The following GALNT13 variants were observed in gnomAD, a reference collection of about 807,000 sequenced individuals.
The protein encoded by GALNT13 is polypeptide N-acetylgalactosaminyltransferase 13, also known as UDP-GalNAc:polypeptide N-acetylgalactosaminyltransferase 13.
Under a neutral mutation model 64.2 loss-of-function variants are expected in GALNT13, and 28 were observed. The ratio of observed to expected loss-of-function variants is 0.44; its 90% confidence interval spans 0.32 to 0.60. The LOEUF (loss-of-function observed/expected upper bound fraction) is 0.60. GALNT13 is among the 20% of genes least tolerant of loss of function. GALNT13 has a pLI of 0.05. For synonymous variants in GALNT13, 214 were observed against 224.6 expected (o/e 0.95, Z 0.42); for missense variants, 577 against 669.8 (o/e 0.86, Z 1.53).
At chr2:153,647,731 C>T in the GALNT13 span, among the ~76,000 whole-genome samples, 2 of 152,090 alleles carry the variant, frequency 1.3e-5, no homozygotes, top group Non-Finnish European at 2.9e-5. Flanking sequence ...GAATCCTTTC[C>T]CCATTTCTTG....
the GALNT13 span, among the ~76,000 whole-genome samples, chr2:153,171,440 A>T: frequency 6.6e-5 from 10 of 151,984 alleles, no homozygotes; most frequent in African/African-American, 2.4e-4. Flanking sequence ...TGCAAAAACA[A>T]CTCCACCAAT....
At chr2:153,630,793 ATATATATATATATATTTTTTTTT>A in the GALNT13 span, among the ~76,000 whole-genome samples, 2 of 13,242 alleles carry the variant, frequency 1.5e-4, no homozygotes, top group African/African-American at 5.2e-4. Context: ...ATATATATAT[ATATATATATATATATTTTTTTTT>A]TTTTTTTTAT....
the GALNT13 span, among the ~76,000 whole-genome samples, chr2:153,673,353 A>G: frequency 1.1e-4 from 16 of 152,342 alleles, no homozygotes; most frequent in Admixed American, 8.5e-4. Flanking sequence ...CAAAAAGCTT[A>G]TCTACCACGA....
intron 3 of GALNT13, among the ~76,000 whole-genome samples, chr2:154,109,683 G>T (rs751798545): frequency 6.6e-6 from 1 of 152,134 alleles, no homozygotes; most frequent in Non-Finnish European, 1.5e-5. Context: ...TTTTGGTGAT[G>T]AAAGTTTGTT....
chr2:153,622,759 T>A, the GALNT13 span, among the ~76,000 whole-genome samples: 1 of 152,172 alleles, frequency 6.6e-6, no homozygotes, highest in Non-Finnish European at 1.5e-5. Flanking sequence ...GAAACATTTA[T>A]CATTTTTACA....
intron 3 of GALNT13, among the ~76,000 whole-genome samples, chr2:154,135,171 C>T (rs2105561593): frequency 6.6e-6 from 1 of 152,242 alleles, no homozygotes; most frequent in South Asian, 2.1e-4. Flanking sequence ...TCCTCCTTTG[C>T]TTTCTTCCTT....
the GALNT13 span, among the ~76,000 whole-genome samples, chr2:153,703,531 A>AT: frequency 6.6e-6 from 1 of 150,894 alleles, no homozygotes; most frequent in Admixed American, 6.6e-5. Flanking sequence ...ACTTGCAGTC[A>AT]TTTTTCCTGC....
At chr2:153,885,516 G>A (rs1202624102) in intron 1 of GALNT13, among the ~76,000 whole-genome samples, 2 of 151,982 alleles carry the variant, frequency 1.3e-5, no homozygotes, top group African/African-American at 2.4e-5. Flanking sequence ...TTAAAAGATC[G>A]TATCTCCATT....
At chr2:153,881,222 A>G (rs1686761584) in intron 1 of GALNT13, among the ~76,000 whole-genome samples, 1 of 152,176 alleles carries the variant, frequency 6.6e-6, no homozygotes, top group Admixed American at 6.5e-5. Flanking sequence ...CACTTGCCAC[A>G]CGGTTCTCAC....
the GALNT13 span, among the ~76,000 whole-genome samples, chr2:153,411,863 G>A: frequency 6.6e-6 from 1 of 152,186 alleles, no homozygotes; most frequent in Non-Finnish European, 1.5e-5. Flanking sequence ...TGATTGGATT[G>A]AAAGATGCAA....
chr2:153,770,612 TATATATTCATTTGC>T, the GALNT13 span, among the ~76,000 whole-genome samples: 1 of 152,182 alleles, frequency 6.6e-6, no homozygotes, highest in Non-Finnish European at 1.5e-5. Context: ...AAGGATCAAG[TATATATTCATTTGC>T]ATCAAGGATC....
the GALNT13 span, among the ~76,000 whole-genome samples, chr2:153,511,245 ATG>A: frequency 2.0e-5 from 3 of 150,790 alleles, no homozygotes; most frequent in East Asian, 6.1e-4. Flanking sequence ...AAATTTCTAG[ATG>A]TCCTGGAATG....
At chr2:153,617,592 CCCT>C in the GALNT13 span, among the ~76,000 whole-genome samples, 19 of 151,818 alleles carry the variant, frequency 1.3e-4, no homozygotes, top group African/African-American at 4.3e-4. Context: ...TGGAAGTATT[CCCT>C]CCTCTTTTAT....
the GALNT13 span, among the ~76,000 whole-genome samples, chr2:153,207,850 G>A: frequency 2.6e-5 from 4 of 152,110 alleles, no homozygotes; most frequent in Non-Finnish European, 5.9e-5. Context: ...TGGGAAAAAC[G>A]CTGTTAAATA....
At chr2:153,852,066 A>G in the GALNT13 span, among the ~76,000 whole-genome samples, 3 of 152,206 alleles carry the variant, frequency 2.0e-5, no homozygotes, top group African/African-American at 7.2e-5. Context: ...AATCCAAAAA[A>G]TGAGAAAAAA....
At chr2:154,224,122 A>G (rs1192900567) in intron 4 of GALNT13, among the ~76,000 whole-genome samples, 2 of 152,126 alleles carry the variant, frequency 1.3e-5, no homozygotes, top group Non-Finnish European at 2.9e-5. Context: ...TATATACCTT[A>G]TGATATCATG....
At chr2:154,199,919 A>T (rs1687082115) in intron 4 of GALNT13, among the ~76,000 whole-genome samples, 1 of 152,072 alleles carries the variant, frequency 6.6e-6, no homozygotes, top group Non-Finnish European at 1.5e-5. Flanking sequence ...AATTATTCAG[A>T]GATGCATTAT....
intron 7 of GALNT13, among the ~76,000 whole-genome samples, chr2:154,258,593 A>T (rs1657679213): frequency 6.6e-6 from 1 of 151,984 alleles, no homozygotes; most frequent in Non-Finnish European, 1.5e-5. Context: ...GGATCTTTTC[A>T]TAGTGAAACC....
the GALNT13 span, among the ~76,000 whole-genome samples, chr2:153,403,346 A>G: frequency 6.6e-6 from 1 of 151,932 alleles, no homozygotes; most frequent in East Asian, 1.9e-4. Context: ...TCAGACAGGG[A>G]CATTTAAGTC....
Sources: gnomAD v4.1 joint callset for allele counts (sites outside exome capture counted in the v4.1 genomes callset) on GRCh38, gnomAD v4.1.1 for gene constraint, MANE v1.5 for transcripts, NCBI Gene and HGNC (gene_info 2026-07-23, HGNC 2026-07-21) for gene names.